ANO2: variants seen among roughly 807,000 people sequenced by gnomAD.
The protein encoded by ANO2 is anoctamin-2.
Under a neutral mutation model 124.2 loss-of-function variants are expected in ANO2, and 101 were observed. The observed-to-expected ratio is 0.81, with a 90% CI of 0.69 to 0.96. The LOEUF (loss-of-function observed/expected upper bound fraction) is 0.96. ANO2 is among the 40% of genes least tolerant of loss of function. The pLI, the probability that ANO2 is intolerant of heterozygous loss-of-function variation, is 0.00. For synonymous variants in ANO2, 486 were observed against 482.5 expected (o/e 1.01, Z -0.09); for missense variants, 1,293 against 1,274.5 (o/e 1.01, Z -0.22).
At chr12:5,812,298 G>T (rs1953415903) in intron 7 of ANO2, among the ~76,000 whole-genome samples, 1 of 88,984 alleles carries the variant, frequency 1.1e-5, no homozygotes, top group Non-Finnish European at 2.4e-5. Context: ...GCAGGGGAAA[G>T]AAAGAAGAGG....
chr12:5,669,709 G>A (rs572849858), intron 14 of ANO2, among the ~76,000 whole-genome samples: 2 of 152,244 alleles, frequency 1.3e-5, no homozygotes, highest in African/African-American at 4.8e-5. Context: ...AATTCTTAAT[G>A]AAGACAGAAG....
chr12:5,758,290 C>G (rs912552520), intron 10 of ANO2, among the ~76,000 whole-genome samples: 3 of 152,066 alleles, frequency 2.0e-5, no homozygotes, highest in African/African-American at 7.2e-5. Flanking sequence ...AGAATCTGTA[C>G]CAGTAAAGGA....
intron 16 of ANO2, among the ~76,000 whole-genome samples, chr12:5,622,524 G>A (rs954606602): frequency 3.9e-5 from 6 of 152,154 alleles, no homozygotes; most frequent in Non-Finnish European, 7.3e-5. Context: ...CTGGGAAAGG[G>A]GCCTCAGGGA....
intron 10 of ANO2, among the ~76,000 whole-genome samples, chr12:5,760,178 C>A (rs1951697302): frequency 6.6e-6 from 1 of 152,124 alleles, no homozygotes; most frequent in South Asian, 2.1e-4. Flanking sequence ...AAATCGATTT[C>A]TTTTGAAAAC....
intron 3 of ANO2, among the ~76,000 whole-genome samples, chr12:5,883,261 A>G (rs989346398): frequency 6.6e-6 from 1 of 152,176 alleles, no homozygotes; most frequent in Non-Finnish European, 1.5e-5. Context: ...ACTCAGGTTC[A>G]CCTGAGGTAG....
chr12:5,707,203 A>ACT (rs35664003), intron 14 of ANO2, among the ~76,000 whole-genome samples: 3 of 150,836 alleles, frequency 2.0e-5, no homozygotes, highest in Non-Finnish European at 3.0e-5. Context: ...TCTCCCCTGC[A>ACT]CTCTCTCTCT....
At position 5,696,556 on chromosome 12, in the gene ANO2, C is replaced by T. The variant is rs557699341; in HGVS notation, c.1545+35964G>A. ...AGTTTTATCAAACTCTCAAGCAACA[C>T]ATAACCCTGCCTTTCTATAATGTAT... On this transcript the variant is annotated intron_variant, in intron 14 of 24. Coordinates refer to ENST00000682330, the MANE Select transcript of ANO2 (RefSeq NM_001364791.2). 3.9e-5 allele frequency among the ~76,000 whole-genome samples: 6 copies of T among 152,228 alleles called. No homozygotes were observed. The South Asian group carries it at 1.2e-3, about 32-fold the overall frequency.
intron 20 of ANO2, among the ~76,000 whole-genome samples, chr12:5,582,450 A>G (rs976377084): frequency 6.6e-6 from 1 of 152,254 alleles, no homozygotes; most frequent in Non-Finnish European, 1.5e-5. Context: ...TAAAATAACA[A>G]GGAAGAGTGG....
intron 14 of ANO2, among the ~76,000 whole-genome samples, chr12:5,724,298 A>T (rs1174881723): frequency 1.3e-5 from 2 of 152,050 alleles, no homozygotes; most frequent in East Asian, 3.9e-4. Flanking sequence ...TTGATTCTTT[A>T]TGTTTTTGAC....
intron 16 of ANO2, among the ~76,000 whole-genome samples, chr12:5,633,190 C>A (rs183623931): frequency 6.6e-6 from 1 of 152,140 alleles, no homozygotes; most frequent in African/African-American, 2.4e-5. Context: ...TAGAAGAGGA[C>A]GCTGGCATTC....
chr12:5,643,853 C>A (rs1430242617), intron 15 of ANO2, among the ~76,000 whole-genome samples: 1 of 152,078 alleles, frequency 6.6e-6, no homozygotes, highest in Admixed American at 6.6e-5. Context: ...AGTACATATT[C>A]ATCTTTTTCC....
intron 19 of ANO2, among the ~76,000 whole-genome samples, chr12:5,603,587 T>C (rs1944046720): frequency 6.6e-6 from 1 of 152,008 alleles, no homozygotes; most frequent in Admixed American, 6.6e-5. Flanking sequence ...CTAAGGCAAA[T>C]GTGAAAATGG....
chr12:5,875,392 T>A (rs1287486898), intron 3 of ANO2, among the ~76,000 whole-genome samples: 1 of 152,224 alleles, frequency 6.6e-6, no homozygotes, highest in East Asian at 1.9e-4. Context: ...GCACTGCTCT[T>A]AAAGGGTACT....
intron 14 of ANO2, among the ~76,000 whole-genome samples, chr12:5,684,853 C>T (rs987319702): frequency 6.6e-6 from 1 of 152,184 alleles, no homozygotes; most frequent in South Asian, 2.1e-4. Context: ...GTTCACAGCA[C>T]AGGTGCTGGA....
At chr12:5,675,216 C>T (rs1173364124) in intron 14 of ANO2, among the ~76,000 whole-genome samples, 4 of 152,202 alleles carry the variant, frequency 2.6e-5, no homozygotes, top group Admixed American at 2.0e-4. Flanking sequence ...CAGACACACA[C>T]ACATATACAC....
At chr12:5,902,409 A>AC (rs1940281340) in intron 3 of ANO2, among the ~76,000 whole-genome samples, 1 of 150,518 alleles carries the variant, frequency 6.6e-6, no homozygotes, top group Non-Finnish European at 1.5e-5. Context: ...ATATAGTGAG[A>AC]CCCCCATCTC....
At chr12:5,637,434 G>A (rs9943783) in intron 15 of ANO2, among the ~76,000 whole-genome samples, 57,792 of 151,542 alleles carry the variant, frequency 0.38, 11,475 homozygotes, top group East Asian at 0.66. Flanking sequence ...AACATCCTTT[G>A]TTTAGGGTCT....
chr12:5,925,356 C>T lies in ANO2; in HGVS notation c.23-2552G>A, dbSNP rs1047155718. ...CCCTCACTAGCCATCGCAGTTGCTC[C>T]CCCGGCTCGCTCTCTGACACACGGA... On this transcript the variant is annotated intron_variant, in intron 1 of 24. Coordinates refer to ENST00000682330, the MANE Select transcript of ANO2 (RefSeq NM_001364791.2). The surrounding 1 kb of genome is among the most constrained non-coding windows in gnomAD (Gnocchi z 4.6). Among the ~76,000 whole-genome samples, 50 of 152,164 alleles carry T rather than the reference C, an allele frequency of 3.3e-4. No homozygotes were observed. The highest frequency in any genetic ancestry group is 1.2e-3 in the African/African-American group (48 of 41,434).
chr12:5,877,762 C>A (rs1591729468), intron 3 of ANO2, among the ~76,000 whole-genome samples: 2 of 152,208 alleles, frequency 1.3e-5, no homozygotes, highest in South Asian at 4.1e-4. Context: ...ACTGTTCCGC[C>A]TCAGATCTTC....
Sources: allele counts gnomAD v4.1 joint callset (sites outside exome capture counted in the v4.1 genomes callset), GRCh38; gene constraint gnomAD v4.1.1; non-coding constraint Gnocchi (gnomAD v3.1); transcripts MANE v1.5; gene names NCBI Gene and HGNC (gene_info 2026-07-23, HGNC 2026-07-21).